The following DPYSL3 variants were observed in gnomAD, a reference collection of about 807,000 sequenced individuals.
DPYSL3 encodes the protein dihydropyrimidinase-related protein 3.
Under a neutral mutation model 66.1 loss-of-function variants are expected in DPYSL3, and 16 were observed. The observed-to-expected ratio is 0.24, with a 90% CI of 0.16 to 0.37. The LOEUF is 0.37. DPYSL3 is among the 10% of genes least tolerant of loss of function. The pLI is 1.00. For missense variants in DPYSL3, 738 were observed against 916.2 expected (o/e 0.81, Z 2.51); for synonymous variants, 338 against 345.1 (o/e 0.98, Z 0.23).
At chr5:147,460,583 G>A (rs116225884) in intron 1 of DPYSL3, among the ~76,000 whole-genome samples, 3,157 of 152,244 alleles carry the variant, frequency 0.021, 115 homozygotes, top group African/African-American at 0.071. Context: ...AGGGAGGAGG[G>A]AGGCAGGAGA....
intron 1 of DPYSL3, among the ~76,000 whole-genome samples, chr5:147,441,212 C>T (rs1278343127): frequency 6.6e-6 from 1 of 152,120 alleles, no homozygotes; most frequent in East Asian, 1.9e-4. Flanking sequence ...TAACAAAGTA[C>T]CACAGGCTGA....
chr5:147,431,739 G>A (rs1293395326), intron 1 of DPYSL3, among the ~76,000 whole-genome samples: 1 of 152,042 alleles, frequency 6.6e-6, no homozygotes, highest in South Asian at 2.1e-4. Flanking sequence ...AGCAGCCAAG[G>A]TCAGCCAAGA....
intron 1 of DPYSL3, among the ~76,000 whole-genome samples, chr5:147,432,416 T>C (rs1263016161): frequency 2.6e-5 from 4 of 152,172 alleles, no homozygotes; most frequent in Admixed American, 2.6e-4. Context: ...CAGAACTTCA[T>C]GTTAACCATT....
intron 1 of DPYSL3, among the ~76,000 whole-genome samples, chr5:147,426,406 G>C (rs1752199173): frequency 6.6e-6 from 1 of 152,138 alleles, no homozygotes; most frequent in African/African-American, 2.4e-5. Context: ...TACTCATGCT[G>C]GGTTTGGTAA....
chr5:147,481,840 A>C (rs1753249504), intron 1 of DPYSL3, among the ~76,000 whole-genome samples: 1 of 152,218 alleles, frequency 6.6e-6, no homozygotes, highest in African/African-American at 2.4e-5. Flanking sequence ...CAGAATCATG[A>C]GCTAAATAAA....
rs1267022416 is a variant in DPYSL3, at chr5:147,391,366, A to T, written c.*2669T>A. On this transcript the variant is annotated 3_prime_UTR_variant, in exon 14 of 14. Coordinates refer to ENST00000343218, the MANE Select transcript of DPYSL3 (RefSeq NM_001197294.2). ...AGCTCTACTACGGGTAACTGATTTAACAATTTCCCAAACACCCTTTCCACT... is the reference window on the plus strand; with the variant it reads ...AGCTCTACTACGGGTAACTGATTTATCAATTTCCCAAACACCCTTTCCACT... The T allele has an allele frequency of 6.6e-6, 1 of 152,638 alleles. No homozygotes were observed. Among genetic ancestry groups the T allele is most frequent in the Non-Finnish European group, 1.5e-5 (1 of 68,054 alleles). 9.5% of individuals were successfully genotyped at this position (152,638 alleles called of 1,614,324 possible).
chr5:147,399,466 T>C (rs997271406), intron 10 of DPYSL3, among the ~76,000 whole-genome samples: 9 of 145,926 alleles, frequency 6.2e-5, no homozygotes, highest in Non-Finnish European at 1.1e-4. Flanking sequence ...TGGTTTAAGA[T>C]AGAAGTTACT....
chr5:147,410,904 G>T (rs1368105901), intron 6 of DPYSL3, among the ~76,000 whole-genome samples: 3 of 152,124 alleles, frequency 2.0e-5, no homozygotes, highest in Non-Finnish European at 4.4e-5. Flanking sequence ...ACTGAGAACA[G>T]ATCTTCCCAA....
chr5:147,423,651 G>A (rs1466329633), intron 2 of DPYSL3, among the ~76,000 whole-genome samples: 1 of 152,140 alleles, frequency 6.6e-6, no homozygotes, highest in Non-Finnish European at 1.5e-5. Context: ...TCTCAAAGGA[G>A]ACTAACAGTG....
chr5:147,486,000 A>G (rs1753322879), intron 1 of DPYSL3, among the ~76,000 whole-genome samples: 1 of 152,174 alleles, frequency 6.6e-6, no homozygotes, highest in African/African-American at 2.4e-5. Flanking sequence ...ATATACATAC[A>G]ATGGAATACT....
In DPYSL3 at chr5:147,399,045, C is replaced by G. The variant is rs181816298; in HGVS notation, c.1623+37G>C. The G allele has an allele frequency of 5.6e-4, 894 of 1,602,320 alleles. 6 individuals are homozygous for G. The East Asian group carries it at 6.5e-3, about 12-fold the overall frequency. On this transcript the variant is annotated intron_variant, in intron 11 of 13. Transcript: ENST00000343218. Reference sequence around the variant, plus strand: ...CCTGACCAAGTTCCTTGCATGCATTCTCCATTCTACTCCACTCCCACCAGA... The same window carrying G: ...CCTGACCAAGTTCCTTGCATGCATTGTCCATTCTACTCCACTCCCACCAGA...
intron 1 of DPYSL3, among the ~76,000 whole-genome samples, chr5:147,504,315 G>A (rs926865766): frequency 7.2e-5 from 11 of 152,172 alleles, no homozygotes; most frequent in Non-Finnish European, 1.0e-4. Flanking sequence ...TTGAGAAGGC[G>A]TATTTTTTAT....
intron 1 of DPYSL3, among the ~76,000 whole-genome samples, chr5:147,489,354 A>G (rs992216916): frequency 6.6e-6 from 1 of 152,228 alleles, no homozygotes; most frequent in Non-Finnish European, 1.5e-5. Context: ...CCACCATACC[A>G]GAAGAGAACA....
chr5:147,460,505 A>T (rs1053005353), intron 1 of DPYSL3, among the ~76,000 whole-genome samples: 4 of 152,158 alleles, frequency 2.6e-5, no homozygotes, highest in Admixed American at 2.6e-4. Context: ...TAAGTTAAGG[A>T]TCTTGACAAG....
chr5:147,411,606 C>T (rs1441867387), intron 6 of DPYSL3, among the ~76,000 whole-genome samples: 2 of 152,140 alleles, frequency 1.3e-5, no homozygotes, highest in Non-Finnish European at 2.9e-5. Flanking sequence ...AATGAGAATA[C>T]ACCAGAAAAT....
At chr5:147,420,699 A>G (rs1752061760) in intron 2 of DPYSL3, among the ~76,000 whole-genome samples, 1 of 152,196 alleles carries the variant, frequency 6.6e-6, no homozygotes, top group South Asian at 2.1e-4. Context: ...AGACATACAA[A>G]ATTTCAGGAT....
intron 1 of DPYSL3, among the ~76,000 whole-genome samples, chr5:147,442,219 T>A (rs1413514663): frequency 6.6e-6 from 1 of 152,154 alleles, no homozygotes; most frequent in Non-Finnish European, 1.5e-5. Flanking sequence ...CTTCCAAGCT[T>A]ATAGGTTGAG....
At chr5:147,455,653 C>T (rs994612976) in intron 1 of DPYSL3, among the ~76,000 whole-genome samples, 1 of 152,110 alleles carries the variant, frequency 6.6e-6, no homozygotes, top group African/African-American at 2.4e-5. Context: ...GCAGAGCTCT[C>T]TCTCTCTGCA....
At chr5:147,508,542 C>T in intron 1 of DPYSL3, among the ~76,000 whole-genome samples, 1 of 152,180 alleles carries the variant, frequency 6.6e-6, no homozygotes, top group East Asian at 1.9e-4. Flanking sequence ...TCTGAAGTCT[C>T]CAGCCCTGCC....
Sources: gnomAD v4.1 joint callset for allele counts (sites outside exome capture counted in the v4.1 genomes callset) on GRCh38, gnomAD v4.1.1 for gene constraint, MANE v1.5 for transcripts, NCBI Gene and HGNC (gene_info 2026-07-23, HGNC 2026-07-21) for gene names.